MPP7: variants seen among roughly 807,000 people sequenced by gnomAD.
MPP7 encodes MAGUK p55 scaffold protein 7.
Under a neutral mutation model 76.5 loss-of-function variants are expected in MPP7, and 60 were observed. The ratio of observed to expected loss-of-function variants is 0.78; its 90% CI spans 0.64 to 0.97. The LOEUF is 0.97. MPP7 is among the 50% of genes least tolerant of loss of function. The probability of loss-of-function intolerance (pLI) is 0.00; values close to 1 mark genes in which losing one functional copy is unlikely to be tolerated. For missense variants in MPP7, 641 were observed against 694.0 expected (o/e 0.92, Z 0.86); for synonymous variants, 237 against 244.5 (o/e 0.97, Z 0.29).
intron 2 of MPP7, among the ~76,000 whole-genome samples, chr10:28,321,641 G>T (rs901582833): frequency 6.6e-6 from 1 of 152,130 alleles, no homozygotes; most frequent in Non-Finnish European, 1.5e-5. Context: ...CTGGAGTGCA[G>T]TGGTGCGATC....
intron 3 of MPP7, among the ~76,000 whole-genome samples, chr10:28,162,226 G>C (rs1467740387): frequency 6.6e-6 from 1 of 152,090 alleles, no homozygotes; most frequent in African/African-American, 2.4e-5. Context: ...ACTAAAGGTG[G>C]GAAGAATTAC....
chr10:28,313,751 A>G (rs1476411191), intron 2 of MPP7, among the ~76,000 whole-genome samples: 1 of 151,904 alleles, frequency 6.6e-6, no homozygotes, highest in Admixed American at 6.6e-5. Flanking sequence ...CAGTGGCACA[A>G]TCTTGGCTCA....
chr10:28,096,511 CA>C (rs1853576791), intron 11 of MPP7, among the ~76,000 whole-genome samples: 1 of 152,112 alleles, frequency 6.6e-6, no homozygotes, highest in Admixed American at 6.5e-5. Context: ...AATACATATA[CA>C]TAGGTATCTT....
rs1397303256 is a variant in MPP7, at chr10:28,053,976, G to C, written c.*89C>G. On this transcript the variant is annotated 3_prime_UTR_variant, in exon 17 of 17. Coordinates refer to ENST00000683449, the MANE Select transcript of MPP7 (RefSeq NM_001318170.2). ...ACCAAGATTGTACATCTATGACAGT[G>C]ATATAGATTTAAAAACCCTACTACC... 1.1e-6 allele frequency: 1 copy of C among 945,508 alleles called. No individual in the cohort carries two copies. The highest frequency in any genetic ancestry group is 2.2e-5 in the Admixed American group (1 of 45,446). The allele number at this position is 945,508 out of a possible 1,614,324, so 58.6% of individuals were successfully genotyped here. A position where few individuals can be genotyped will look rare whatever the true frequency, so the allele number is the denominator to read the frequency against.
At chr10:28,290,605 T>C (rs1393379830) in intron 1 of MPP7, among the ~76,000 whole-genome samples, 1 of 152,184 alleles carries the variant, frequency 6.6e-6, no homozygotes, top group Non-Finnish European at 1.5e-5. Flanking sequence ...CCCGAGTAGC[T>C]GGGATTACAG....
chr10:28,308,637 G>A (rs1387473878), intron 2 of MPP7, among the ~76,000 whole-genome samples: 2 of 151,928 alleles, frequency 1.3e-5, no homozygotes, highest in South Asian at 2.1e-4. Flanking sequence ...AATTATCTTG[G>A]TGTGGTAGTG....
chr10:28,062,531 A>AACACACACACACACACAC (rs56923979), intron 13 of MPP7, among the ~76,000 whole-genome samples: 1 of 132,298 alleles, frequency 7.6e-6, no homozygotes, highest in African/African-American at 2.8e-5. Context: ...CATAATAGTA[A>AACACACACACACACACAC]ACACACACAC....
chr10:28,114,884 G>A (rs1227620796), intron 11 of MPP7, among the ~76,000 whole-genome samples: 1 of 152,156 alleles, frequency 6.6e-6, no homozygotes. Context: ...GGAATCCCAG[G>A]AGAACACAGT....
At chr10:28,192,855 C>A (rs911697348) in intron 3 of MPP7, among the ~76,000 whole-genome samples, 3 of 152,156 alleles carry the variant, frequency 2.0e-5, no homozygotes, top group African/African-American at 7.2e-5. Flanking sequence ...CTGACGCTAC[C>A]CTACTTCAAA....
chr10:28,091,736 T>G (rs556406788), intron 11 of MPP7, among the ~76,000 whole-genome samples: 1 of 152,368 alleles, frequency 6.6e-6, no homozygotes, highest in African/African-American at 2.4e-5. Flanking sequence ...ACTGAAATTT[T>G]TTAACTGTAT....
chr10:28,225,400 A>T (rs1349906900), intron 2 of MPP7, among the ~76,000 whole-genome samples: 1 of 152,242 alleles, frequency 6.6e-6, no homozygotes, highest in Non-Finnish European at 1.5e-5. Context: ...ACAAAACAGG[A>T]GAAAATATTT....
chr10:28,210,257 C>T (rs1158248419), intron 2 of MPP7, among the ~76,000 whole-genome samples: 5 of 152,182 alleles, frequency 3.3e-5, no homozygotes, highest in Non-Finnish European at 7.3e-5. Context: ...TAAACACACA[C>T]ACCTATATAA....
intron 2 of MPP7, among the ~76,000 whole-genome samples, chr10:28,325,295 A>G (rs138276377): frequency 1.2e-4 from 19 of 152,244 alleles, no homozygotes; most frequent in African/African-American, 4.6e-4. Context: ...TATTGTAATA[A>G]GTAGTAGAAG....
intron 12 of MPP7, among the ~76,000 whole-genome samples, chr10:28,076,626 G>A (rs1010205521): frequency 6.6e-6 from 1 of 152,012 alleles, no homozygotes; most frequent in Non-Finnish European, 1.5e-5. Flanking sequence ...AGTGGCTCAC[G>A]CCTGTAATCC....
chr10:28,169,326 T>TAA (rs369848117), intron 3 of MPP7, among the ~76,000 whole-genome samples: 1,703 of 148,828 alleles, frequency 0.011, 19 homozygotes, highest in East Asian at 0.052. Context: ...CCCTGTCTCT[T>TAA]AAAAAAAAAA....
chr10:28,236,232 C>T (rs897291749), intron 2 of MPP7, among the ~76,000 whole-genome samples: 1 of 152,122 alleles, frequency 6.6e-6, no homozygotes, highest in Non-Finnish European at 1.5e-5. Context: ...ACAAAAGGAG[C>T]AAAACCAGGC....
chr10:28,317,427 A>G (rs1368183791), intron 2 of MPP7, among the ~76,000 whole-genome samples: 2 of 152,138 alleles, frequency 1.3e-5, no homozygotes, highest in African/African-American at 4.8e-5. Flanking sequence ...ACTACTTGCG[A>G]GGCTGAGGCA....
intron 2 of MPP7, among the ~76,000 whole-genome samples, chr10:28,209,324 G>A (rs1006058225): frequency 2.6e-5 from 4 of 151,982 alleles, no homozygotes; most frequent in African/African-American, 7.3e-5. Context: ...TATGTTAGCT[G>A]AGCATAGTGG....
intron 3 of MPP7, among the ~76,000 whole-genome samples, chr10:28,163,145 C>T (rs968832746): frequency 2.0e-5 from 3 of 152,164 alleles, no homozygotes; most frequent in Non-Finnish European, 2.9e-5. Flanking sequence ...CACACAGCAC[C>T]TCCAATCCTC....
Sources: gnomAD v4.1 joint callset for allele counts (sites outside exome capture counted in the v4.1 genomes callset) on GRCh38, gnomAD v4.1.1 for gene constraint, MANE v1.5 for transcripts, NCBI Gene and HGNC (gene_info 2026-07-23, HGNC 2026-07-21) for gene names.